VSX2: variants seen among roughly 807,000 people sequenced by gnomAD.
The protein encoded by VSX2 is visual system homeobox 2, also known as ceh-10 homeo domain containing homolog.
In VSX2, 28 loss-of-function variants were observed where a neutral mutation model predicts 32.1. That is an observed-to-expected ratio of 0.87 (90% CI 0.65 to 1.20). The LOEUF (loss-of-function observed/expected upper bound fraction) is 1.20, where lower values mean the gene tolerates loss of function less well. Ranked by LOEUF, VSX2 falls within the 50% of genes most tolerant of loss-of-function variation. The pLI, the probability that VSX2 is intolerant of heterozygous loss-of-function variation, is 0.00. For synonymous variants in VSX2, 243 were observed against 214.1 expected (o/e 1.14, Z -1.18); for missense variants, 506 against 488.7 (o/e 1.04, Z -0.33).
Position 74,259,662 on chromosome 14 carries a change from A to G in VSX2, c.640A>G (p.Ser214Gly). 6.2e-7 allele frequency: 1 copy of G among 1,614,158 alleles called. No homozygotes were observed. Among genetic ancestry groups the G allele is most frequent in the South Asian group, 1.1e-5 (1 of 91,084 alleles). Residue 214 changes from serine (S) to glycine (G), a missense_variant, in exon 4 of 5, where the codon AGT becomes GGT. By Grantham distance (56) the Ser-to-Gly change is moderately conservative. Coordinates refer to ENST00000261980, the MANE Select transcript of VSX2 (RefSeq NM_182894.3). The stretch of plus-strand genomic sequence containing the variant: ...GCGGGAGAAGTGCTGGGGCCGGAGC[A>G]GTGTCATGGCGGAGTATGGGCTCTA... Reference protein sequence around the residue: ...RKREKCWGRSSVMAEYGLYGA... With the variant: ...RKREKCWGRSGVMAEYGLYGA...
At chr14:74,248,859 A>G (rs1257756420) in intron 3 of VSX2, among the ~76,000 whole-genome samples, 1 of 152,200 alleles carries the variant, frequency 6.6e-6, no homozygotes, top group East Asian at 1.9e-4. Flanking sequence ...CTGTAGAAGA[A>G]AGAGGTGAGA....
intron 3 of VSX2, among the ~76,000 whole-genome samples, chr14:74,258,692 A>G (rs997708153): frequency 3.3e-5 from 5 of 152,284 alleles, no homozygotes; most frequent in Admixed American, 2.0e-4. Flanking sequence ...CTGGGGGACC[A>G]AGAAATGTTC....
At chr14:74,252,339 C>G (rs1319583430) in intron 3 of VSX2, among the ~76,000 whole-genome samples, 4 of 152,116 alleles carry the variant, frequency 2.6e-5, no homozygotes, top group Non-Finnish European at 4.4e-5. Context: ...AGGCACCTGC[C>G]AGACAACTGT....
chr14:74,241,446 C>T (rs532402751), intron 2 of VSX2, among the ~76,000 whole-genome samples, 180 bp downstream of exon 2: 18 of 152,372 alleles, frequency 1.2e-4, no homozygotes, highest in African/African-American at 4.3e-4. Flanking sequence ...GCGTCGGCAC[C>T]GGTTGAGCAG....
At chr14:74,242,678 C>T (rs1392047189) in intron 2 of VSX2, among the ~76,000 whole-genome samples, 3 of 149,776 alleles carry the variant, frequency 2.0e-5, no homozygotes, top group African/African-American at 7.4e-5. Flanking sequence ...ACTTTTTATG[C>T]ACCCATCTTA....
chr14:74,260,696 G>A lies in VSX2; in HGVS notation c.863G>A (p.Arg288Gln), dbSNP rs375426810. 55 of 1,595,686 alleles carry A rather than the reference G, an allele frequency of 3.4e-5. No homozygotes were observed. The highest frequency in any genetic ancestry group is 9.1e-5 in the East Asian group (4 of 44,162). Reference protein sequence around the residue: ...PKLDKMEQDERGPDAQAAISQ... With the variant: ...PKLDKMEQDEQGPDAQAAISQ... ...CTCGACAAGATGGAGCAGGACGAGCGGGGCCCCGACGCTCAGGCGGCCATC... is the reference window on the plus strand; with the variant it reads ...CTCGACAAGATGGAGCAGGACGAGCAGGGCCCCGACGCTCAGGCGGCCATC... The change falls in exon 5 of 5, where the codon CGG becomes CAG. Residue 288 changes from arginine (R) to glutamine (Q), a missense_variant. Physicochemically the swap from Arg to Gln is conservative, Grantham distance 43. Coordinates refer to ENST00000261980, the MANE Select transcript of VSX2 (RefSeq NM_182894.3).
intron 2 of VSX2, among the ~76,000 whole-genome samples, chr14:74,243,215 T>A (rs905646985): frequency 6.6e-6 from 1 of 152,190 alleles, no homozygotes; most frequent in East Asian, 1.9e-4. Context: ...CAAACCAGAC[T>A]TAAAAGCGTT....
rs1566884546 is a variant in VSX2, at chr14:74,244,952, G to GAGAA, written c.456-213_456-212insAGAA. ...TGTGAAAGAGAGAGAGAAAGTGTGT[G>GAGAA]TGTGTGTGTGTGTGTGTGTGTGTGT... On this transcript the variant is annotated intron_variant, in intron 2 of 4. Coordinates refer to ENST00000261980, the MANE Select transcript of VSX2 (RefSeq NM_182894.3). Among the ~76,000 whole-genome samples, 294 of 56,862 alleles carry GAGAA rather than the reference G, an allele frequency of 5.2e-3. 8 individuals are homozygous for GAGAA. Among genetic ancestry groups the GAGAA allele is most frequent in the Non-Finnish European group, 5.5e-3 (161 of 29,232 alleles). The allele number at this position is 56,862 out of a possible 152,430, so 37.3% of individuals were successfully genotyped here. A position where few individuals can be genotyped will look rare whatever the true frequency, so the allele number is the denominator to read the frequency against.
intron 3 of VSX2, among the ~76,000 whole-genome samples, chr14:74,251,427 G>C (rs759638235): frequency 3.4e-4 from 51 of 152,186 alleles, no homozygotes; most frequent in Admixed American, 9.8e-4. Flanking sequence ...TCCAGCCTGG[G>C]CAACAAGAGC....
At chr14:74,260,495 T>A in intron 4 of VSX2, 99 bp from the exon 5 acceptor site, 1 of 1,225,404 alleles carries the variant, frequency 8.2e-7, no homozygotes, top group Non-Finnish European at 1.2e-6. Flanking sequence ...GGCTTTCTGC[T>A]CGTCCTTAAT....
intron 3 of VSX2, among the ~76,000 whole-genome samples, chr14:74,246,395 G>A (rs897887590): frequency 6.6e-6 from 1 of 152,236 alleles, no homozygotes; most frequent in African/African-American, 2.4e-5. Flanking sequence ...TGGAGGACCA[G>A]AGAATGTGAA....
chr14:74,250,509 G>C (rs2079221586), intron 3 of VSX2, among the ~76,000 whole-genome samples: 1 of 152,114 alleles, frequency 6.6e-6, no homozygotes, highest in South Asian at 2.1e-4. Context: ...TAGAAGTCTC[G>C]TGTATGTTGA....
chr14:74,254,796 T>TTTTTTTTTTTTTTTTTTTTTTTTTTTTG (rs2079252685), intron 3 of VSX2, among the ~76,000 whole-genome samples: 1 of 147,360 alleles, frequency 6.8e-6, no homozygotes, highest in African/African-American at 2.5e-5. Flanking sequence ...TTTTTTTTTT[T>TTTTTTTTTTTTTTTTTTTTTTTTTTTTG]TGAGACGCAG....
chr14:74,254,342 T>C (rs1450877414), intron 3 of VSX2, among the ~76,000 whole-genome samples: 3 of 151,186 alleles, frequency 2.0e-5, no homozygotes, highest in Non-Finnish European at 2.9e-5. Flanking sequence ...ACCCAGGAGG[T>C]GGAGGTCGCA....
intron 3 of VSX2, among the ~76,000 whole-genome samples, chr14:74,256,210 C>A (rs1380956886): frequency 1.3e-5 from 2 of 152,172 alleles, no homozygotes; most frequent in African/African-American, 4.8e-5. Flanking sequence ...GCGGGTGGAT[C>A]ACCTGAGGTC....
chr14:74,253,048 CAAAAA>C (rs34396021), intron 3 of VSX2, among the ~76,000 whole-genome samples: 2 of 95,442 alleles, frequency 2.1e-5, no homozygotes. Context: ...GACTCCATCT[CAAAAA>C]AAAAAAAAAA....
At chr14:74,248,339 A>AAAT (rs1373944084) in intron 3 of VSX2, among the ~76,000 whole-genome samples, 3 of 138,270 alleles carry the variant, frequency 2.2e-5, no homozygotes, top group African/African-American at 7.9e-5. Context: ...CAGGCTAAAA[A>AAAT]AAAAAAAAAA....
chr14:74,246,964 TG>T (rs933173761), intron 3 of VSX2, among the ~76,000 whole-genome samples: 4 of 152,032 alleles, frequency 2.6e-5, no homozygotes, highest in African/African-American at 7.3e-5. Flanking sequence ...TTAAGTTGCT[TG>T]GGGGTTGCCT....
intron 3 of VSX2, among the ~76,000 whole-genome samples, chr14:74,249,093 C>T (rs1566885868): frequency 6.6e-6 from 1 of 152,244 alleles, no homozygotes; most frequent in Non-Finnish European, 1.5e-5. Context: ...GACACACCTA[C>T]TTCCAGTCTT....
Sources: gnomAD v4.1 joint callset for allele counts (sites outside exome capture counted in the v4.1 genomes callset) on GRCh38, gnomAD v4.1.1 for gene constraint, MANE v1.5 for transcripts, NCBI Gene and HGNC (gene_info 2026-07-23, HGNC 2026-07-21) for gene names.